Variants in ANKS1B observed in about 807,000 individuals in gnomAD.
ANKS1B encodes ankyrin repeat and sterile alpha motif domain-containing protein 1B.
A neutral mutation model predicts 148.3 loss-of-function variants in ANKS1B; 36 were observed. That is an observed-to-expected ratio of 0.24 (90% CI 0.19 to 0.32). The LOEUF is 0.32. ANKS1B is among the 10% of genes least tolerant of loss of function. The pLI is 1.00. For synonymous variants in ANKS1B, 542 were observed against 560.8 expected, an observed-to-expected ratio of 0.97 and a Z score of 0.47; for missense variants, 1,157 against 1,542.6, an observed-to-expected ratio of 0.75 and a Z score of 4.19.
At chr12:98,968,792 G>A (rs1461333967) in intron 17 of ANKS1B, among the ~76,000 whole-genome samples, 1 of 152,090 alleles carries the variant, frequency 6.6e-6, no homozygotes, top group Non-Finnish European at 1.5e-5. Flanking sequence ...GAGGGAGGGA[G>A]GGAGGGTAAC....
At chr12:99,161,540 A>C (rs1244815319) in intron 14 of ANKS1B, among the ~76,000 whole-genome samples, 3 of 152,120 alleles carry the variant, frequency 2.0e-5, no homozygotes, top group Admixed American at 2.0e-4. Flanking sequence ...CCAAAACAAA[A>C]AAATCCCCCC....
chr12:99,567,267 G>C (rs1365353299), intron 9 of ANKS1B, among the ~76,000 whole-genome samples: 1 of 152,092 alleles, frequency 6.6e-6, no homozygotes, highest in African/African-American at 2.4e-5. Context: ...CCCAGCAGGA[G>C]ACCATCTCTC....
chr12:99,692,901 T>C (rs1226849995), intron 8 of ANKS1B, among the ~76,000 whole-genome samples: 1 of 152,180 alleles, frequency 6.6e-6, no homozygotes, highest in Non-Finnish European at 1.5e-5. Flanking sequence ...TGGTTATACA[T>C]GTCTCAAACT....
Position 99,544,055 on chromosome 12 carries a change from A to G in ANKS1B, c.1273-39414T>C, listed in dbSNP as rs1012129695. 5.3e-5 allele frequency among the ~76,000 whole-genome samples: 8 copies of G among 152,234 alleles called. No homozygotes were observed. In the South Asian group the frequency reaches 1.4e-3, roughly 28 times the overall value. On this transcript the variant is annotated intron_variant, in intron 9 of 26. Transcript: ENST00000683438. ...TCACAAAATATATAGAGAGAAACAT[A>G]TATAAATACATAGACATATGAACCC...
At chr12:99,219,711 T>C (rs958010139) in intron 14 of ANKS1B, among the ~76,000 whole-genome samples, 3 of 152,180 alleles carry the variant, frequency 2.0e-5, no homozygotes, top group African/African-American at 4.8e-5. Context: ...AGACCAGCCA[T>C]TTCAGTCTCT....
chr12:99,423,468 G>A (rs187565973), intron 11 of ANKS1B, among the ~76,000 whole-genome samples: 76 of 152,172 alleles, frequency 5.0e-4, no homozygotes, highest in Admixed American at 1.1e-3. Flanking sequence ...TTTCAACCCA[G>A]CAATCGCATT....
chr12:99,010,368 A>C (rs1332071966), intron 17 of ANKS1B, among the ~76,000 whole-genome samples: 1 of 152,234 alleles, frequency 6.6e-6, no homozygotes, highest in South Asian at 2.1e-4. Context: ...AGCACATGGC[A>C]TAGAGTAAAT....
At chr12:99,008,001 C>T (rs980789869) in intron 17 of ANKS1B, among the ~76,000 whole-genome samples, 1 of 151,798 alleles carries the variant, frequency 6.6e-6, no homozygotes, top group South Asian at 2.1e-4. Context: ...TCTAACTACA[C>T]TGCTTGCATT....
At chr12:99,485,939 CTTTAA>C (rs761661014) in intron 10 of ANKS1B, among the ~76,000 whole-genome samples, 1 of 152,106 alleles carries the variant, frequency 6.6e-6, no homozygotes, top group Non-Finnish European at 1.5e-5. Flanking sequence ...TCCTGAACTG[CTTTAA>C]TTTCTCTATG....
chr12:99,707,372 A>G (rs1289151054), intron 8 of ANKS1B, among the ~76,000 whole-genome samples: 1 of 152,118 alleles, frequency 6.6e-6, no homozygotes. Context: ...ACAAATTACT[A>G]TCTTTAGCAG....
intron 16 of ANKS1B, among the ~76,000 whole-genome samples, chr12:99,053,879 T>C (rs908714397): frequency 2.6e-5 from 4 of 152,216 alleles, no homozygotes; most frequent in Admixed American, 6.5e-5. Context: ...CTGCATCGAC[T>C]CTACAGTATG....
intron 9 of ANKS1B, among the ~76,000 whole-genome samples, chr12:99,627,968 T>C (rs2098125956): frequency 6.6e-6 from 1 of 152,172 alleles, no homozygotes; most frequent in African/African-American, 2.4e-5. Flanking sequence ...CGTACAGTCA[T>C]GTATCATTTA....
chr12:99,276,507 T>C (rs1161823619), intron 12 of ANKS1B, among the ~76,000 whole-genome samples: 1 of 152,128 alleles, frequency 6.6e-6, no homozygotes, highest in African/African-American at 2.4e-5. Context: ...AGGGCCACCA[T>C]GTGAGGAGGA....
At chr12:98,885,528 G>T (rs893969376) in intron 17 of ANKS1B, among the ~76,000 whole-genome samples, 9 of 152,212 alleles carry the variant, frequency 5.9e-5, no homozygotes, top group Non-Finnish European at 1.2e-4. Context: ...TGATTCAACA[G>T]AAGTGAACAC....
intron 12 of ANKS1B, among the ~76,000 whole-genome samples, chr12:99,278,605 C>A (rs1164813182): frequency 2.0e-5 from 3 of 152,162 alleles, no homozygotes; most frequent in Non-Finnish European, 4.4e-5. Context: ...TCAGGCATCA[C>A]CTCCTCCAAG....
intron 1 of ANKS1B, among the ~76,000 whole-genome samples, chr12:99,909,478 T>C (rs1180640086): frequency 2.0e-5 from 3 of 152,134 alleles, no homozygotes; most frequent in Admixed American, 6.5e-5. Context: ...CTCCACTCAG[T>C]TTTCCATAGT....
chr12:99,548,212 T>TC (rs1567324738), intron 9 of ANKS1B, among the ~76,000 whole-genome samples: 1 of 152,158 alleles, frequency 6.6e-6, no homozygotes, highest in African/African-American at 2.4e-5. Context: ...TTCCACTGAC[T>TC]CCACTAAATG....
At chr12:99,384,054 A>G (rs939838694) in intron 12 of ANKS1B, among the ~76,000 whole-genome samples, 5 of 152,094 alleles carry the variant, frequency 3.3e-5, no homozygotes, top group Admixed American at 2.6e-4. Flanking sequence ...TTGCTGGTAT[A>G]ACGTCAACAT....
intron 9 of ANKS1B, among the ~76,000 whole-genome samples, chr12:99,515,518 G>A (rs897191827): frequency 5.9e-5 from 9 of 151,992 alleles, no homozygotes; most frequent in African/African-American, 1.7e-4. Flanking sequence ...TCTCTTTTAC[G>A]GTTGAATAGG....
Sources: allele counts gnomAD v4.1 joint callset (sites outside exome capture counted in the v4.1 genomes callset), GRCh38; gene constraint gnomAD v4.1.1; transcripts MANE v1.5; gene names NCBI Gene and HGNC (gene_info 2026-07-23, HGNC 2026-07-21).